VPS13C: variants seen among roughly 807,000 people sequenced by gnomAD.
VPS13C encodes intermembrane lipid transfer protein VPS13C.
VPS13C carries 358 observed loss-of-function variants against 456.8 expected under a neutral mutation model. That is an observed-to-expected ratio of 0.78 (90% CI 0.72 to 0.86). VPS13C has a LOEUF of 0.86. Among genes scored for constraint, VPS13C ranks in the 40% least tolerant of loss-of-function variants. The pLI, the probability that VPS13C is intolerant of heterozygous loss-of-function variation, is 0.00. For missense variants in VPS13C, 4,818 were observed against 4,385.4 expected (o/e 1.10, Z -2.79); for synonymous variants, 1,578 against 1,486.7 (o/e 1.06, Z -1.41).
chr15:62,043,640 G>A (rs4638519), intron 2 of VPS13C, among the ~76,000 whole-genome samples: 79,454 of 151,954 alleles, frequency 0.52, 21,031 homozygotes, highest in Admixed American at 0.61. Context: ...AAGGTTGGAA[G>A]CCGGAAAAAA....
chr15:61,875,730 A>T lies in VPS13C; in HGVS notation c.10338+2T>A, dbSNP rs1895371118. ...TCCTTAGAACAAATAAGAGGTCAAT[A>T]CCTGGAAGGGTTCATAGAATAAAGC... On this transcript the variant is annotated splice_donor_variant, in intron 76 of 84. Coordinates refer to ENST00000644861, the MANE Select transcript of VPS13C (RefSeq NM_020821.3). LOFTEE classifies it high-confidence loss of function. The T allele has an allele frequency of 6.2e-7, 1 of 1,605,874 alleles. No individual in the cohort carries two copies. Among genetic ancestry groups the T allele is most frequent in the Non-Finnish European group, 8.5e-7 (1 of 1,175,152 alleles).
At chr15:61,875,085 C>T in intron 76 of VPS13C, 134 bp from the exon 77 acceptor site, 1 of 693,744 alleles carries the variant, frequency 1.4e-6, no homozygotes, top group Non-Finnish European at 2.1e-6. Flanking sequence ...TCAATTTTCA[C>T]TTCTACCCCA....
intron 66 of VPS13C, among the ~76,000 whole-genome samples, chr15:61,905,465 T>G (rs2043128967): frequency 6.6e-6 from 1 of 152,174 alleles, no homozygotes; most frequent in Admixed American, 6.6e-5. Context: ...TAAACCATTT[T>G]CATTTACTGA....
chr15:61,915,945 C>T lies in VPS13C; in HGVS notation c.8133G>A (p.Met2711Ile), dbSNP rs757188811. ...CCTGGTATTTCACCAGGACTAATTCCATTATTTCACCACTGATTCTCGAAT... is the reference window on the plus strand; with the variant it reads ...CCTGGTATTTCACCAGGACTAATTCTATTATTTCACCACTGATTCTCGAAT... ...VLHSRISGEI[M>I]ELVLVKYQGK... Residue 2711 changes from methionine (M) to isoleucine (I), a missense_variant, in exon 61 of 85, where the codon ATG becomes ATA. By Grantham distance (10) the Met-to-Ile change is conservative. This residue lies in a region of VPS13C where 4,552 missense variants were observed against 4,130.6 expected (regional missense o/e 1.10). Coordinates refer to ENST00000644861, the MANE Select transcript of VPS13C (RefSeq NM_020821.3). 9.3e-6 allele frequency: 15 copies of T among 1,613,756 alleles called. No individual in the cohort carries two copies. The highest frequency in any genetic ancestry group is 1.6e-4 in the Middle Eastern group (1 of 6,082).
chr15:62,010,776 A>C (rs2047011699), intron 12 of VPS13C, among the ~76,000 whole-genome samples, 177 bp from the exon 13 acceptor site: 2 of 152,212 alleles, frequency 1.3e-5, no homozygotes. Flanking sequence ...TATGCATAAT[A>C]ATAAGCTCGA....
At chr15:61,854,628 T>G in intron 84 of VPS13C, 70 bp from the exon 85 acceptor site, 3 of 1,496,912 alleles carry the variant, frequency 2.0e-6, no homozygotes, top group Non-Finnish European at 2.8e-6. Flanking sequence ...GGGAAAGGTA[T>G]GAAAGCAAGG....
chr15:61,854,056 C>A lies in VPS13C; in HGVS notation c.*401G>T, dbSNP rs1351911491. On this transcript the variant is annotated 3_prime_UTR_variant, in exon 85 of 85. Coordinates refer to ENST00000644861, the MANE Select transcript of VPS13C (RefSeq NM_020821.3). ...GACTCGGTCTCAAAAAAAAAAAAAA[C>A]CCCAAAAAAACAAAAATAAAAAAAC... is the stretch of plus-strand genomic sequence containing the variant. The A allele has an allele frequency of 5.4e-4, 80 of 149,266 alleles. No individual in the cohort carries two copies. Among genetic ancestry groups the A allele is most frequent in the South Asian group, 2.4e-3 (14 of 5,930 alleles). 9.2% of individuals were successfully genotyped at this position (149,266 alleles called of 1,614,324 possible). A position where few individuals can be genotyped will look rare whatever the true frequency, so the allele number is the denominator to read the frequency against.
intron 16 of VPS13C, among the ~76,000 whole-genome samples, chr15:61,998,222 C>A (rs903778334): frequency 6.6e-6 from 1 of 152,208 alleles, no homozygotes; most frequent in Non-Finnish European, 1.5e-5. Context: ...GTCTTCAGAT[C>A]TTTGCTCAAA....
chr15:62,042,016 C>A (rs192668042), intron 2 of VPS13C, among the ~76,000 whole-genome samples: 3 of 152,066 alleles, frequency 2.0e-5, no homozygotes, highest in Admixed American at 6.5e-5. Context: ...ATCTGAAATA[C>A]TAGAACAGAA....
At chr15:62,055,612 G>C (rs2048765881) in intron 1 of VPS13C, among the ~76,000 whole-genome samples, 1 of 151,898 alleles carries the variant, frequency 6.6e-6, no homozygotes, top group Non-Finnish European at 1.5e-5. Flanking sequence ...TGCACACTAT[G>C]ATGTTTTCCA....
Position 62,045,428 on chromosome 15 carries a change from G to T in VPS13C, c.101-1173C>A, listed in dbSNP as rs991898677. Among the ~76,000 whole-genome samples, 3 of 152,234 alleles carry T rather than the reference G, an allele frequency of 2.0e-5. No homozygotes were observed. In the South Asian group the frequency reaches 6.2e-4, roughly 32 times the overall value. ...GAACACACATAGGTTTAGGCTGGAA[G>T]GTTTAAGTAGTATTTACTGGGTGGA... On this transcript the variant is annotated intron_variant, in intron 1 of 84. Coordinates refer to ENST00000644861, the MANE Select transcript of VPS13C (RefSeq NM_020821.3).
chr15:62,017,149 A>C (rs190228901), intron 9 of VPS13C, among the ~76,000 whole-genome samples: 15 of 151,894 alleles, frequency 9.9e-5, no homozygotes, highest in African/African-American at 3.4e-4. Flanking sequence ...TTTTTCTTCT[A>C]AATTTGTTTG....
chr15:61,869,113 TTTC>T (rs1369338153), intron 80 of VPS13C, among the ~76,000 whole-genome samples: 2 of 109,400 alleles, frequency 1.8e-5, no homozygotes, highest in African/African-American at 2.9e-5. Flanking sequence ...TCTTTTCTTT[TTTC>T]TTTTTTTTTT....
intron 66 of VPS13C, among the ~76,000 whole-genome samples, chr15:61,899,843 C>T (rs1481408549): frequency 6.6e-6 from 1 of 151,606 alleles, no homozygotes; most frequent in Non-Finnish European, 1.5e-5. Context: ...CCTTGATGAA[C>T]ATCGATGCAA....
At position 61,880,855 on chromosome 15, in the gene VPS13C, A is replaced by G; in HGVS notation, c.9876T>C (p.Ala3292=). 1 of 1,587,060 alleles carries G rather than the reference A, an allele frequency of 6.3e-7. No individual in the cohort carries two copies. The highest frequency in any genetic ancestry group is 2.3e-5 in the East Asian group (1 of 44,438). The change falls in exon 72 of 85, where the codon GCT becomes GCC. Residue 3292 remains alanine, a synonymous_variant. Transcript: ENST00000644861. The part of the protein sequence containing the change: ...ALFTPTTDPE[A]ERRRTKLIQQ... ...TAAAAATTTTTACCCGTCTTCTTTC[A>G]GCTTCAGGGTCTGTTGTTGGGGTAA...
At chr15:61,885,543 C>T (rs145330512) in intron 67 of VPS13C, among the ~76,000 whole-genome samples, 31 of 152,136 alleles carry the variant, frequency 2.0e-4, no homozygotes, top group Admixed American at 1.2e-3. Flanking sequence ...TTCTACTTCT[C>T]GTGAAAATTC....
At chr15:62,058,215 G>A (rs1201196217) in intron 1 of VPS13C, among the ~76,000 whole-genome samples, 1 of 152,168 alleles carries the variant, frequency 6.6e-6, no homozygotes, top group Non-Finnish European at 1.5e-5. Context: ...CTACTCCGGT[G>A]CGTTTTCAAG....
chr15:61,865,668 A>G, intron 81 of VPS13C: 1 of 378,248 alleles, frequency 2.6e-6, no homozygotes, highest in South Asian at 1.1e-4. Flanking sequence ...GTATGTGTAT[A>G]TATGTGTATA....
rs1204733642 is a variant in VPS13C at position 61,864,425 on chromosome 15, C to G, written c.10864-897G>C. ...AATGAATGCTAATGAAATACTATTACTGACATTATATATAATGCATGGCTG... is the reference window on the plus strand; with the variant it reads ...AATGAATGCTAATGAAATACTATTAGTGACATTATATATAATGCATGGCTG... On this transcript the variant is annotated intron_variant, in intron 81 of 84. Transcript: ENST00000644861. The G allele has an allele frequency of 4.6e-6, 4 of 869,976 alleles. No homozygotes were observed. The East Asian group carries it at 3.6e-4, about 79-fold the overall frequency. The allele number at this position is 869,976 out of a possible 1,614,324, so 53.9% of individuals were successfully genotyped here. A position where few individuals can be genotyped will look rare whatever the true frequency, so the allele number is the denominator to read the frequency against.
Sources: allele counts gnomAD v4.1 joint callset (sites outside exome capture counted in the v4.1 genomes callset), GRCh38; gene constraint gnomAD v4.1.1; regional missense constraint gnomAD v4.1.1; transcripts MANE v1.5; gene names NCBI Gene and HGNC (gene_info 2026-07-23, HGNC 2026-07-21).